The following KATNIP variants were observed in gnomAD, a reference collection of about 807,000 sequenced individuals.
The protein encoded by KATNIP is katanin interacting protein, also known as katanin-interacting protein.
A neutral mutation model predicts 174.0 loss-of-function variants in KATNIP; 126 were observed. The observed-to-expected ratio is 0.72, with a 90% CI of 0.63 to 0.84. KATNIP has a LOEUF of 0.84. KATNIP is among the 40% of genes least tolerant of loss of function. The pLI, the probability that KATNIP is intolerant of heterozygous loss-of-function variation, is 0.00. For synonymous variants in KATNIP, 810 were observed against 835.7 expected (o/e 0.97, Z 0.53); for missense variants, 1,958 against 2,109.7 (o/e 0.93, Z 1.41).
intron 14 of KATNIP, among the ~76,000 whole-genome samples, chr16:27,737,409 T>C (rs559933168): frequency 6.6e-6 from 1 of 151,958 alleles, no homozygotes; most frequent in African/African-American, 2.4e-5. Context: ...GCATTCTGTT[T>C]TGGGCATTTT....
chr16:27,596,333 C>CT (rs1172887249), intron 2 of KATNIP, among the ~76,000 whole-genome samples: 1 of 152,066 alleles, frequency 6.6e-6, no homozygotes, highest in Admixed American at 6.6e-5. Flanking sequence ...AAAACAAGAC[C>CT]TCTAAGTCTT....
chr16:27,576,930 G>A (rs1448046592), intron 2 of KATNIP, among the ~76,000 whole-genome samples: 1 of 152,054 alleles, frequency 6.6e-6, no homozygotes, highest in African/African-American at 2.4e-5. Context: ...AACACGTGGT[G>A]GTGAGGTGGT....
chr16:27,775,127 C>T lies in KATNIP; in HGVS notation c.4449+43C>T, dbSNP rs557213778. On this transcript the variant is annotated intron_variant, in intron 24 of 27. Coordinates refer to ENST00000261588, the MANE Select transcript of KATNIP (RefSeq NM_015202.5). Reference sequence around the variant, plus strand: ...GCCACCGCAGCTCCTGGCCCTCAGGCGGGCAGGGGGACTTTCTTTCCCTGG... The same window carrying T: ...GCCACCGCAGCTCCTGGCCCTCAGGTGGGCAGGGGGACTTTCTTTCCCTGG... 5 of 1,588,426 alleles carry T rather than the reference C, an allele frequency of 3.1e-6. No individual in the cohort carries two copies. The South Asian group carries it at 3.4e-5, about 11-fold the overall frequency.
chr16:27,760,399 T>G (rs1386070361), intron 18 of KATNIP, among the ~76,000 whole-genome samples: 1 of 152,270 alleles, frequency 6.6e-6, no homozygotes, highest in East Asian at 1.9e-4. Context: ...TCCATTTGAG[T>G]TTCCTGGGCA....
chr16:27,627,779 A>C (rs185486467), intron 3 of KATNIP, among the ~76,000 whole-genome samples: 2 of 152,340 alleles, frequency 1.3e-5, no homozygotes, highest in Admixed American at 1.3e-4. Flanking sequence ...ACTTGTTGCT[A>C]GGTTGGCTGG....
intron 6 of KATNIP, among the ~76,000 whole-genome samples, chr16:27,653,978 C>CTTAT (rs1195595650): frequency 2.0e-5 from 3 of 151,538 alleles, no homozygotes; most frequent in South Asian, 2.1e-4. Context: ...GCCCCATTTA[C>CTTAT]TTATTTATTT....
intron 3 of KATNIP, among the ~76,000 whole-genome samples, chr16:27,621,623 A>G (rs2076198801): frequency 6.6e-6 from 1 of 152,042 alleles, no homozygotes; most frequent in African/African-American, 2.4e-5. Flanking sequence ...TGGGTAATTT[A>G]TAAAGAGAAA....
intron 13 of KATNIP, among the ~76,000 whole-genome samples, chr16:27,711,508 C>T (rs1379712655): frequency 6.6e-6 from 1 of 152,100 alleles, no homozygotes; most frequent in Non-Finnish European, 1.5e-5. Context: ...TGAGATGCCT[C>T]GGCAGTGTCG....
chr16:27,675,016 G>A (rs1330137654), intron 6 of KATNIP, among the ~76,000 whole-genome samples: 2 of 152,202 alleles, frequency 1.3e-5, no homozygotes, highest in Non-Finnish European at 2.9e-5. Context: ...TAGAAAACAA[G>A]TTATCTGTTC....
intron 17 of KATNIP, among the ~76,000 whole-genome samples, chr16:27,752,238 G>A (rs1048739439): frequency 6.6e-6 from 1 of 152,098 alleles, no homozygotes; most frequent in Non-Finnish European, 1.5e-5. Flanking sequence ...GCTTGGGGTT[G>A]CGTTTTGATC....
chr16:27,752,030 T>C (rs1282797725), intron 17 of KATNIP, 106 bp downstream of exon 17: 4 of 801,932 alleles, frequency 5.0e-6, no homozygotes, highest in Non-Finnish European at 7.3e-6. Flanking sequence ...AAGCTGCTGG[T>C]GCCACTGTGT....
chr16:27,768,606 C>T (rs1206967425), intron 20 of KATNIP, among the ~76,000 whole-genome samples: 3 of 152,144 alleles, frequency 2.0e-5, no homozygotes, highest in Non-Finnish European at 4.4e-5. Flanking sequence ...CTGATGGGCC[C>T]GGCCATGTTT....
rs181013826 is a variant in KATNIP at position 27,772,281 on chromosome 16, A to G, written c.4198+629A>G. On this transcript the variant is annotated intron_variant, in intron 22 of 27. Transcript: ENST00000261588. The stretch of plus-strand genomic sequence containing the variant: ...AGCCCAGCACTCTGGTACTACTATC[A>G]TTCCCATTTCACAGCTAGGAAAACT... 1.1e-3 allele frequency among the ~76,000 whole-genome samples: 166 copies of G among 152,224 alleles called. 2 individuals carry two copies. Among genetic ancestry groups the G allele is most frequent in the African/African-American group, 3.9e-3 (161 of 41,528 alleles).
rs186274375 is a variant in KATNIP at position 27,698,299 on chromosome 16, A to G, written c.941-29A>G. 82 of 1,583,574 alleles carry G rather than the reference A, an allele frequency of 5.2e-5. No individual in the cohort carries two copies. The African/African-American group carries it at 1.0e-3, about 19-fold the overall frequency. Reference sequence around the variant, plus strand: ...GCTGCACTCCGAGAATATAATCTAAAAGAACGTCCCCCTGTCTTCTGCCCT... The same window carrying G: ...GCTGCACTCCGAGAATATAATCTAAGAGAACGTCCCCCTGTCTTCTGCCCT... On this transcript the variant is annotated intron_variant, in intron 8 of 27. Transcript: ENST00000261588.
At chr16:27,550,752 A>T (rs1008465504) in intron 1 of KATNIP, among the ~76,000 whole-genome samples, 1 of 152,168 alleles carries the variant, frequency 6.6e-6, no homozygotes, top group Non-Finnish European at 1.5e-5. Flanking sequence ...TTTACAGATG[A>T]TGAAACTGAG....
intron 14 of KATNIP, chr16:27,722,219 A>C (rs2080273874): frequency 6.5e-6 from 1 of 153,188 alleles, no homozygotes. Flanking sequence ...TGTGGACCTC[A>C]CTGTGTCTAG....
rs750743557 is a variant in KATNIP, at chr16:27,740,259, G to A, written c.1962G>A (p.Glu654=). 1.2e-6 allele frequency: 2 copies of A among 1,614,272 alleles called. No individual in the cohort carries two copies. The highest frequency in any genetic ancestry group is 4.5e-5 in the East Asian group (2 of 44,892). ...HEMAGASGDK[E]LGLGCSPPAE... is the part of the protein sequence containing the mutation. ...TGGCTGGTGCCAGCGGGGACAAGGAGCTTGGTCTCGGTTGCTCACCGCCAG... is the reference window on the plus strand; with the variant it reads ...TGGCTGGTGCCAGCGGGGACAAGGAACTTGGTCTCGGTTGCTCACCGCCAG... The change falls in exon 15 of 28, where the codon GAG becomes GAA. Residue 654 remains glutamate (E), a synonymous_variant. Coordinates refer to ENST00000261588, the MANE Select transcript of KATNIP (RefSeq NM_015202.5).
rs532657027 is a variant in KATNIP, at chr16:27,682,388, T to G, written c.940+858T>G. 2.0e-5 allele frequency among the ~76,000 whole-genome samples: 3 copies of G among 152,332 alleles called. No homozygotes were observed. In the South Asian group the frequency reaches 6.2e-4, roughly 32 times the overall value. Reference sequence around the variant, plus strand: ...AGGCACACAACGTGCAAGTGGCAGCTGAGGCTTTGTAGCAGGGGCTACCAT... The same window carrying G: ...AGGCACACAACGTGCAAGTGGCAGCGGAGGCTTTGTAGCAGGGGCTACCAT... On this transcript the variant is annotated intron_variant, in intron 8 of 27. Coordinates refer to ENST00000261588, the MANE Select transcript of KATNIP (RefSeq NM_015202.5).
intron 13 of KATNIP, among the ~76,000 whole-genome samples, chr16:27,713,850 A>ATCTATC (rs1292644750): frequency 4.0e-5 from 3 of 74,454 alleles, no homozygotes; most frequent in South Asian, 3.8e-4. Context: ...ATATATATAT[A>ATCTATC]TATATATCTA....
Sources: allele counts gnomAD v4.1 joint callset (sites outside exome capture counted in the v4.1 genomes callset), GRCh38; gene constraint gnomAD v4.1.1; transcripts MANE v1.5; gene names NCBI Gene and HGNC (gene_info 2026-07-23, HGNC 2026-07-21).